AGBL4: variants seen among roughly 807,000 people sequenced by gnomAD.
AGBL4 encodes cytosolic carboxypeptidase 6.
In AGBL4, 58 loss-of-function variants were observed where a neutral mutation model predicts 66.4. The ratio of observed to expected loss-of-function variants is 0.87; its 90% confidence interval spans 0.71 to 1.09. The LOEUF is 1.09. Ranked by LOEUF, AGBL4 falls within the 50% of genes least tolerant of loss-of-function variation. AGBL4 has a pLI of 0.00. For missense variants in AGBL4, 579 were observed against 631.0 expected, an observed-to-expected ratio of 0.92 and a Z score of 0.88; for synonymous variants, 234 against 222.9, an observed-to-expected ratio of 1.05 and a Z score of -0.44.
chr1:49,196,864 T>G (rs1453849569), intron 4 of AGBL4, among the ~76,000 whole-genome samples: 1 of 152,124 alleles, frequency 6.6e-6, no homozygotes, highest in Non-Finnish European at 1.5e-5. Flanking sequence ...TCCCACTCTT[T>G]TGCTCAGGCA....
At chr1:48,846,059 T>C (rs1047648681) in intron 6 of AGBL4, among the ~76,000 whole-genome samples, 1 of 151,806 alleles carries the variant, frequency 6.6e-6, no homozygotes, top group African/African-American at 2.4e-5. Flanking sequence ...TCCTTGAGAG[T>C]ATTGGCTTAA....
At chr1:49,851,331 T>A in intron 2 of AGBL4, 65 bp downstream of exon 2, 1 of 1,460,338 alleles carries the variant, frequency 6.8e-7, no homozygotes, top group Non-Finnish European at 9.1e-7. Flanking sequence ...CACATAAAAT[T>A]CAATTCTGAA....
At chr1:49,460,123 T>G (rs1039519168) in intron 3 of AGBL4, among the ~76,000 whole-genome samples, 7 of 151,686 alleles carry the variant, frequency 4.6e-5, no homozygotes. Context: ...AAATATCTGT[T>G]AAGTCCATTT....
At chr1:49,375,383 T>C (rs1644451516) in intron 3 of AGBL4, among the ~76,000 whole-genome samples, 1 of 152,052 alleles carries the variant, frequency 6.6e-6, no homozygotes, top group African/African-American at 2.4e-5. Context: ...GCTCATGGGA[T>C]GTGATTTCTG....
Position 48,697,058 on chromosome 1 carries a change from G to T in AGBL4, c.635-33817C>A, listed in dbSNP as rs544903367. Among the ~76,000 whole-genome samples, 9 of 152,282 alleles carry T rather than the reference G, an allele frequency of 5.9e-5. No homozygotes were observed. In the East Asian group the frequency reaches 1.7e-3, roughly 29 times the overall value. On this transcript the variant is annotated intron_variant, in intron 6 of 13. Transcript: ENST00000371839. ...GACTGCAGACTCTTTGAGGGCAGGG[G>T]TGAGGCTGACATGTTTCTATATCTG...
In AGBL4 at chr1:48,576,764, A is replaced by G. The variant is rs542083771; in HGVS notation, c.1267+10240T>C. ...CATAACAGGGCAAAGAAAGGCCAAC[A>G]CCTCCTTACTCCCCAAATCTATTTC... is the stretch of plus-strand genomic sequence containing the variant. On this transcript the variant is annotated intron_variant, in intron 11 of 13. Transcript: ENST00000371839. 2.4e-4 allele frequency among the ~76,000 whole-genome samples: 37 copies of G among 152,186 alleles called. No individual in the cohort carries two copies. In the South Asian group the frequency reaches 6.4e-3, roughly 27 times the overall value.
chr1:49,564,759 G>A, intron 3 of AGBL4, among the ~76,000 whole-genome samples: 1 of 152,192 alleles, frequency 6.6e-6, no homozygotes, highest in Non-Finnish European at 1.5e-5. Context: ...GGTGTGATGT[G>A]GTGCTGAAAA....
chr1:49,215,453 A>G (rs1336506791), intron 4 of AGBL4, among the ~76,000 whole-genome samples: 1 of 152,004 alleles, frequency 6.6e-6, no homozygotes, highest in Non-Finnish European at 1.5e-5. Context: ...GATTAGCAGT[A>G]CTCCTATGTC....
chr1:48,972,623 G>A (rs898974220), intron 5 of AGBL4, among the ~76,000 whole-genome samples: 9 of 152,104 alleles, frequency 5.9e-5, no homozygotes, highest in Non-Finnish European at 8.8e-5. Flanking sequence ...TCTCTACTTT[G>A]AACCTCTATC....
intron 5 of AGBL4, among the ~76,000 whole-genome samples, chr1:48,904,359 G>T (rs1652384073): frequency 6.6e-6 from 1 of 152,200 alleles, no homozygotes; most frequent in African/African-American, 2.4e-5. Context: ...AACTATGGTT[G>T]TGCTGAAACA....
At chr1:48,665,311 G>C (rs1265376462) in intron 6 of AGBL4, among the ~76,000 whole-genome samples, 2 of 152,198 alleles carry the variant, frequency 1.3e-5, no homozygotes, top group Non-Finnish European at 2.9e-5. Flanking sequence ...CTGAATATAA[G>C]CTCCTCAAGG....
intron 5 of AGBL4, among the ~76,000 whole-genome samples, chr1:48,907,831 T>A (rs1277803604): frequency 6.6e-6 from 1 of 152,142 alleles, no homozygotes; most frequent in Admixed American, 6.5e-5. Flanking sequence ...TACTCCATCC[T>A]GAGGAATCCT....
chr1:49,713,902 T>C (rs1647871239), intron 2 of AGBL4, among the ~76,000 whole-genome samples: 1 of 152,068 alleles, frequency 6.6e-6, no homozygotes, highest in Non-Finnish European at 1.5e-5. Context: ...TAGCTGGGAA[T>C]ACAGGCATGT....
intron 1 of AGBL4, among the ~76,000 whole-genome samples, chr1:49,954,933 C>T (rs1447540654): frequency 6.6e-6 from 1 of 151,932 alleles, no homozygotes; most frequent in Non-Finnish European, 1.5e-5. Context: ...GTAAATTCTA[C>T]CATATTCAAA....
At chr1:49,216,917 C>A (rs537922397) in intron 4 of AGBL4, among the ~76,000 whole-genome samples, 1 of 152,198 alleles carries the variant, frequency 6.6e-6, no homozygotes, top group African/African-American at 2.4e-5. Flanking sequence ...CCGTATGGCT[C>A]CCCCTCGGTC....
chr1:49,971,919 T>G (rs1445303169), intron 1 of AGBL4, among the ~76,000 whole-genome samples: 2 of 100,826 alleles, frequency 2.0e-5, no homozygotes, highest in Non-Finnish European at 4.1e-5. Context: ...TTTTTTTTTT[T>G]TTTTTTTTTT....
At chr1:49,980,539 GCTTATTTCA>G (rs1006058864) in intron 1 of AGBL4, among the ~76,000 whole-genome samples, 4 of 152,076 alleles carry the variant, frequency 2.6e-5, no homozygotes, top group African/African-American at 9.6e-5. Context: ...TTTGTGACTG[GCTTATTTCA>G]CTTATCATAA....
At chr1:48,784,433 T>C (rs1357792044) in intron 6 of AGBL4, among the ~76,000 whole-genome samples, 1 of 152,136 alleles carries the variant, frequency 6.6e-6, no homozygotes, top group Non-Finnish European at 1.5e-5. Context: ...TAAAACTCTG[T>C]GGTCATGGGT....
intron 9 of AGBL4, among the ~76,000 whole-genome samples, chr1:48,610,566 T>G (rs1645222163): frequency 6.6e-6 from 1 of 152,172 alleles, no homozygotes; most frequent in African/African-American, 2.4e-5. Flanking sequence ...TTTAAATAAA[T>G]GTTGTTAAGG....
Sources: allele counts gnomAD v4.1 joint callset (sites outside exome capture counted in the v4.1 genomes callset), GRCh38; gene constraint gnomAD v4.1.1; transcripts MANE v1.5; gene names NCBI Gene and HGNC (gene_info 2026-07-23, HGNC 2026-07-21).